Variants in PRKDC observed in about 807,000 individuals in gnomAD.
PRKDC encodes protein kinase, DNA-activated, catalytic subunit.
In PRKDC, 82 loss-of-function variants were observed where a neutral mutation model predicts 486.9. The ratio of observed to expected loss-of-function variants is 0.17; its 90% CI spans 0.14 to 0.20. The LOEUF (loss-of-function observed/expected upper bound fraction) is 0.20. PRKDC is among the 10% of genes least tolerant of loss of function. PRKDC has a pLI of 1.00. For missense variants in PRKDC, 4,504 were observed against 5,038.2 expected (o/e 0.89, Z 3.21); for synonymous variants, 1,895 against 1,837.0 (o/e 1.03, Z -0.81).
chr8:47,943,440 G>A, intron 9 of PRKDC, 74 bp from the exon 10 acceptor site: 2 of 1,442,636 alleles, frequency 1.4e-6, no homozygotes, highest in Non-Finnish European at 1.9e-6. Flanking sequence ...AACCTGCAGG[G>A]ATATGTCAAA....
At chr8:47,791,767 T>A (rs915958760) in intron 74 of PRKDC, among the ~76,000 whole-genome samples, 2 of 152,104 alleles carry the variant, frequency 1.3e-5, no homozygotes, top group Non-Finnish European at 2.9e-5. Flanking sequence ...TGTAAACTCA[T>A]ACAACCACTA....
chr8:47,874,645 G>T (rs1209898036), intron 40 of PRKDC, among the ~76,000 whole-genome samples: 2 of 151,980 alleles, frequency 1.3e-5, no homozygotes, highest in East Asian at 3.9e-4. Context: ...TGTAGTCTCA[G>T]CTACTCAGCA....
intron 66 of PRKDC, among the ~76,000 whole-genome samples, chr8:47,820,419 T>A (rs2087562005): frequency 6.6e-6 from 1 of 151,752 alleles, no homozygotes; most frequent in South Asian, 2.1e-4. Context: ...TACTCTCAAG[T>A]GTTCTTTAAG....
Position 47,939,716 on chromosome 8 carries a change from TA to T in PRKDC, c.967-20del, listed in dbSNP as rs1433316798. 10 of 1,544,098 alleles carry T rather than the reference TA, an allele frequency of 6.5e-6. No homozygotes were observed. Among genetic ancestry groups the T allele is most frequent in the Non-Finnish European group, 8.8e-6 (10 of 1,140,276 alleles). ...TAGAAACCTGCAAATACATAATATT[TA>T]TTTTTTTGGAAATATTTAATAGCAA... On this transcript the variant is annotated intron_variant, in intron 10 of 85. Coordinates refer to ENST00000314191, the MANE Select transcript of PRKDC (RefSeq NM_006904.7).
At chr8:47,879,355 G>C in intron 39 of PRKDC, 136 bp downstream of exon 39, 2 of 757,694 alleles carry the variant, frequency 2.6e-6, no homozygotes, top group Non-Finnish European at 4.0e-6. Context: ...TGTGTAGAAA[G>C]AACATTTTGA....
chr8:47,878,875 G>A (rs1188664258), intron 39 of PRKDC, among the ~76,000 whole-genome samples: 2 of 152,082 alleles, frequency 1.3e-5, no homozygotes, highest in Non-Finnish European at 2.9e-5. Flanking sequence ...AAACACCAAT[G>A]TATTTCATGT....
At chr8:47,818,684 T>A (rs1206713307) in intron 67 of PRKDC, among the ~76,000 whole-genome samples, 7 of 151,972 alleles carry the variant, frequency 4.6e-5, no homozygotes, top group Admixed American at 3.9e-4. Context: ...TTAATATGAT[T>A]AATATGTACT....
At chr8:47,878,247 A>AGGCGCCCGC (rs1456863488) in intron 39 of PRKDC, among the ~76,000 whole-genome samples, 2 of 151,996 alleles carry the variant, frequency 1.3e-5, no homozygotes, top group East Asian at 3.9e-4. Flanking sequence ...CTGGGACTAC[A>AGGCGCCCGC]GGCGCCCGCC....
chr8:47,782,859 A>G lies in PRKDC; in HGVS notation c.11176-261T>C. The G allele has an allele frequency of 1.8e-6, 1 of 542,340 alleles. No homozygotes were observed. Among genetic ancestry groups the G allele is most frequent in the Non-Finnish European group, 3.3e-6 (1 of 301,886 alleles). The allele number at this position is 542,340 out of a possible 1,614,324, so 33.6% of individuals were successfully genotyped here. A position where few individuals can be genotyped will look rare whatever the true frequency, so the allele number is the denominator to read the frequency against. ...TAGCAAGCAGCAACAGCCAACATGC[A>G]AACTTTCTACAGTAGTAAGCTAATG... On this transcript the variant is annotated intron_variant, in intron 78 of 85. Coordinates refer to ENST00000314191, the MANE Select transcript of PRKDC (RefSeq NM_006904.7). The surrounding 1 kb of genome is among the most constrained non-coding windows in gnomAD (Gnocchi z 4.9).
At chr8:47,858,730 CA>C (rs201478998) in intron 47 of PRKDC, 95 bp from the exon 48 acceptor site, 174 of 1,431,796 alleles carry the variant, frequency 1.2e-4, no homozygotes, top group Non-Finnish European at 1.3e-4. Context: ...AAGACATGAA[CA>C]AAAAAAAATC....
At chr8:47,874,322 A>G (rs911790930) in intron 40 of PRKDC, among the ~76,000 whole-genome samples, 3 of 152,188 alleles carry the variant, frequency 2.0e-5, no homozygotes, top group African/African-American at 7.2e-5. Context: ...AAATGAGGTG[A>G]TGAATACTTC....
rs762163667 is a variant in PRKDC at position 47,890,412 on chromosome 8, T to A, written c.3916A>T (p.Ile1306Phe). 6.2e-7 allele frequency: 1 copy of A among 1,602,338 alleles called. No individual in the cohort carries two copies. The highest frequency in any genetic ancestry group is 2.2e-5 in the East Asian group (1 of 44,584). Residue 1306 changes from isoleucine to phenylalanine, a missense_variant, in exon 32 of 86, where the codon ATT becomes TTT. By Grantham distance (21) the Ile-to-Phe change is conservative. Coordinates refer to ENST00000314191, the MANE Select transcript of PRKDC (RefSeq NM_006904.7). ...FFLESIAMHD[I>F]IAAEKCFGTG... ...CCAAAGCACTTTTCTGCTGCTATAA[T>A]GTCATGCATGGCAATGCTTTCTAAG...
intron 40 of PRKDC, among the ~76,000 whole-genome samples, chr8:47,872,041 C>T (rs948757366): frequency 4.6e-5 from 7 of 152,022 alleles, no homozygotes; most frequent in African/African-American, 1.7e-4. Flanking sequence ...AGTAGAAAGA[C>T]TAAAAAGATA....
Position 47,774,118 on chromosome 8 carries a change from T to C in PRKDC, c.*55A>G. ...GCTCATGGAATGCTGCCAACCAAAG[T>C]ATAGTAGATTCTTTAAACAATGTAA... is the stretch of plus-strand genomic sequence containing the variant. On this transcript the variant is annotated 3_prime_UTR_variant, in exon 86 of 86. Coordinates refer to ENST00000314191, the MANE Select transcript of PRKDC (RefSeq NM_006904.7). 2 of 1,490,426 alleles carry C rather than the reference T, an allele frequency of 1.3e-6. No homozygotes were observed. The highest frequency in any genetic ancestry group is 9.0e-7 in the Non-Finnish European group (1 of 1,112,816). The allele number at this position is 1,490,426 out of a possible 1,614,324, so 92.3% of individuals were successfully genotyped here. A position where few individuals can be genotyped will look rare whatever the true frequency, so the allele number is the denominator to read the frequency against.
Position 47,953,645 on chromosome 8 carries a change from G to A in PRKDC, c.696C>T (p.Cys232=). 2 of 1,613,424 alleles carry A rather than the reference G, an allele frequency of 1.2e-6. No homozygotes were observed. The highest frequency in any genetic ancestry group is 1.7e-6 in the Non-Finnish European group (2 of 1,179,660). The change falls in exon 7 of 86, where the codon TGC becomes TGT. Residue 232 remains cysteine (C), a synonymous_variant. Coordinates refer to ENST00000314191, the MANE Select transcript of PRKDC (RefSeq NM_006904.7). ...CTTCTTCCATGGACTTAGTGAAGTTGCACAGAAGTGAGGACAACCCCTTCA... is the reference window on the plus strand; with the variant it reads ...CTTCTTCCATGGACTTAGTGAAGTTACACAGAAGTGAGGACAACCCCTTCA... ...GCLKGLSSLL[C]NFTKSMEEDP...
rs192328175 is a variant in PRKDC at position 47,778,730 on chromosome 8, T to C, written c.11649A>G (p.Leu3883=). ...KRESKVPADL[L]KRAFVRMSTS... ...GGTGAGGGCAGAAGGGTACTTACTT[T>C]AAGAGATCAGCAGGCACTTTACTTT... Residue 3883 remains leucine (L), a splice_region_variant and synonymous_variant, in exon 82 of 86, where the codon TTA becomes TTG. Coordinates refer to ENST00000314191, the MANE Select transcript of PRKDC (RefSeq NM_006904.7). 4 of 1,613,810 alleles carry C rather than the reference T, an allele frequency of 2.5e-6. No individual in the cohort carries two copies. The highest frequency in any genetic ancestry group is 1.7e-5 in the Admixed American group (1 of 59,984).
chr8:47,801,586 G>C (rs901262750), intron 70 of PRKDC, among the ~76,000 whole-genome samples: 2 of 152,138 alleles, frequency 1.3e-5, no homozygotes, highest in African/African-American at 4.8e-5. Flanking sequence ...ATTTTTCAAA[G>C]CACCTAATTC....
intron 22 of PRKDC, among the ~76,000 whole-genome samples, chr8:47,917,672 C>G (rs944734198): frequency 6.6e-6 from 1 of 152,078 alleles, no homozygotes; most frequent in Non-Finnish European, 1.5e-5. Flanking sequence ...TATTTAAGAT[C>G]TAAGCATAAA....
chr8:47,861,001 A>C (rs2154500646), intron 44 of PRKDC, 30 bp from the exon 45 acceptor site: 3 of 1,424,718 alleles, frequency 2.1e-6, no homozygotes, highest in Middle Eastern at 1.8e-4. Context: ...AACAATGTAA[A>C]ACATTTTATA....
Sources: gnomAD v4.1 joint callset for allele counts (sites outside exome capture counted in the v4.1 genomes callset) on GRCh38, gnomAD v4.1.1 for gene constraint, Gnocchi (gnomAD v3.1) non-coding constraint, MANE v1.5 for transcripts, NCBI Gene and HGNC (gene_info 2026-07-23, HGNC 2026-07-21) for gene names.